The following CELA3A variants were observed in gnomAD, a reference collection of about 807,000 sequenced individuals.
CELA3A encodes chymotrypsin like elastase 3A.
A neutral mutation model predicts 38.6 loss-of-function variants in CELA3A; 35 were observed. The observed-to-expected ratio is 0.91, with a 90% CI of 0.69 to 1.20. CELA3A has a LOEUF of 1.20. Ranked by LOEUF, CELA3A falls within the 50% of genes most tolerant of loss-of-function variation. CELA3A has a pLI of 0.00. For missense variants in CELA3A, 343 were observed against 354.2 expected (o/e 0.97, Z 0.25); for synonymous variants, 143 against 136.7 (o/e 1.05, Z -0.32).
intron 6 of CELA3A, among the ~76,000 whole-genome samples, 184 bp from the exon 7 acceptor site, chr1:22,009,521 C>T (rs1644970651): frequency 6.6e-6 from 1 of 151,328 alleles, no homozygotes; most frequent in African/African-American, 2.4e-5. Flanking sequence ...CACTGCACTC[C>T]AGCCTGGACA....
At chr1:22,001,966 A>C (rs1349279192) in intron 1 of CELA3A, among the ~76,000 whole-genome samples, 1 of 150,966 alleles carries the variant, frequency 6.6e-6, no homozygotes, top group Non-Finnish European at 1.5e-5. Context: ...GCAGTAAACA[A>C]AGTCAAACGG....
At chr1:22,008,195 G>C (rs57865719) in intron 6 of CELA3A, among the ~76,000 whole-genome samples, 13,107 of 126,416 alleles carry the variant, frequency 0.1, 2,012 homozygotes, top group African/African-American at 0.32. Context: ...CTGTTGCCCA[G>C]GCTGGAGTGC....
At chr1:22,010,179 G>T in intron 7 of CELA3A, 1 of 394,560 alleles carries the variant, frequency 2.5e-6, no homozygotes, top group Non-Finnish European at 5.1e-6. Context: ...TGCCTGGTGG[G>T]GGACAGGTGA....
chr1:22,002,785 C>A (rs1644926133), intron 1 of CELA3A, among the ~76,000 whole-genome samples: 1 of 151,404 alleles, frequency 6.6e-6, no homozygotes, highest in Non-Finnish European at 1.5e-5. Context: ...TGAAGGAGGC[C>A]ACATTTGAAT....
In CELA3A at chr1:22,010,319, A is replaced by AC. The variant is rs141028477; in HGVS notation, c.795+462_795+463insC. 9.1e-3 allele frequency: 3,351 copies of AC among 367,436 alleles called. 79 individuals are homozygous for AC. Among genetic ancestry groups the AC allele is most frequent in the Non-Finnish European group, 0.012 (2,094 of 178,724 alleles). The allele number at this position is 367,436 out of a possible 1,614,324, so 22.8% of individuals were successfully genotyped here. A position where few individuals can be genotyped will look rare whatever the true frequency, so the allele number is the denominator to read the frequency against. On this transcript the variant is annotated intron_variant, in intron 7 of 7. Coordinates refer to ENST00000290122, the MANE Select transcript of CELA3A (RefSeq NM_005747.5). The stretch of plus-strand genomic sequence containing the variant: ...TGGTAACAGTAATAGCTAAACAACA[A>AC]AAAAAAAGAGAGTAATAGCTGGGCA...
At chr1:22,011,950 G>A (rs1644985895) in intron 7 of CELA3A, among the ~76,000 whole-genome samples, 1 of 126,846 alleles carries the variant, frequency 7.9e-6, no homozygotes, top group Non-Finnish European at 1.6e-5. Flanking sequence ...CTACTTGGGA[G>A]GCTGAGGAAG....
In CELA3A at chr1:22,008,485, C is replaced by G. The variant is rs562686819; in HGVS notation, c.642+970C>G. On this transcript the variant is annotated intron_variant, in intron 6 of 7. Transcript: ENST00000290122. ...CTAAGAAAAAAAAACAAAGGCTGGG[C>G]GCGGTGGCTCACGCCTGTAATCCCA... 2.0e-5 allele frequency among the ~76,000 whole-genome samples: 3 copies of G among 150,920 alleles called. No homozygotes were observed. In the East Asian group the frequency reaches 5.9e-4, roughly 29 times the overall value.
At chr1:22,005,255 G>T (rs1361855442) in intron 2 of CELA3A, among the ~76,000 whole-genome samples, 192 bp from the exon 3 acceptor site, 1 of 151,820 alleles carries the variant, frequency 6.6e-6, no homozygotes, top group African/African-American at 2.4e-5. Flanking sequence ...TGACCCCCAT[G>T]GAAAAGTGAT....
intron 2 of CELA3A, among the ~76,000 whole-genome samples, chr1:22,004,404 C>T (rs1424101754): frequency 1.3e-5 from 2 of 151,166 alleles, no homozygotes; most frequent in Non-Finnish European, 2.9e-5. Flanking sequence ...TCAATAGTCA[C>T]ATGTGGCTAG....
At chr1:22,008,609 G>C (rs60086163) in intron 6 of CELA3A, among the ~76,000 whole-genome samples, 3 of 150,122 alleles carry the variant, frequency 2.0e-5, no homozygotes. Context: ...CACACAAAAA[G>C]TTAGCCGGGT....
intron 2 of CELA3A, among the ~76,000 whole-genome samples, chr1:22,003,718 T>G (rs1450468717): frequency 1.3e-5 from 2 of 150,942 alleles, no homozygotes; most frequent in Admixed American, 6.6e-5. Context: ...ATTACTATTA[T>G]TATTGAGACA....
chr1:22,005,336 C>T (rs57093046), intron 2 of CELA3A, 111 bp from the exon 3 acceptor site: 2 of 1,077,954 alleles, frequency 1.9e-6, no homozygotes, highest in East Asian at 5.1e-5. Flanking sequence ...TCTCGTTTTC[C>T]ATGTGAATGG....
At chr1:22,005,111 A>C (rs552053544) in intron 2 of CELA3A, among the ~76,000 whole-genome samples, 1 of 150,948 alleles carries the variant, frequency 6.6e-6, no homozygotes, top group African/African-American at 2.5e-5. Context: ...AAAAAAAAAA[A>C]AAACTCACAG....
In CELA3A at chr1:22,001,735, C is replaced by G. The variant is rs59115023; in HGVS notation, c.43+18C>G. On this transcript the variant is annotated intron_variant, in intron 1 of 7. Transcript: ENST00000290122. ...GGCCGTTGGTAAGACCCCAACCTGT[C>G]TGTGTGCTCCCTGGGCTGCCCTGGA... The G allele has an allele frequency of 0.063, 101,747 of 1,610,776 alleles. 5,849 individuals carry two copies. The highest frequency in any genetic ancestry group is 0.15 in the East Asian group (6,543 of 44,648).
At chr1:22,008,879 T>C (rs1385096592) in intron 6 of CELA3A, among the ~76,000 whole-genome samples, 1 of 152,016 alleles carries the variant, frequency 6.6e-6, no homozygotes, top group Non-Finnish European at 1.5e-5. Flanking sequence ...CTACTGGATA[T>C]CGTGCTAAGA....
chr1:22,008,028 C>T (rs1644961570), intron 6 of CELA3A, among the ~76,000 whole-genome samples: 1 of 150,936 alleles, frequency 6.6e-6, no homozygotes, highest in East Asian at 2.0e-4. Flanking sequence ...GTGGCACTCG[C>T]CTGTAGTCCC....
intron 4 of CELA3A, 86 bp downstream of exon 4, chr1:22,005,882 C>G: frequency 6.2e-7 from 1 of 1,600,122 alleles, no homozygotes; most frequent in Non-Finnish European, 8.5e-7. Flanking sequence ...GGCTCCAACT[C>G]TGAGTAGGGA....
At position 22,006,024 on chromosome 1, in the gene CELA3A, G is replaced by A. The variant is rs144149881; in HGVS notation, c.362+228G>A. Reference sequence around the variant, plus strand: ...ACCAAACCTGTCTCCCTACAGAGGGGATGGCAGTGTTCAGGGAGGGGCAGG... The same window carrying A: ...ACCAAACCTGTCTCCCTACAGAGGGAATGGCAGTGTTCAGGGAGGGGCAGG... On this transcript the variant is annotated intron_variant, in intron 4 of 7. Transcript: ENST00000290122. 1.1e-3 allele frequency: 723 copies of A among 663,274 alleles called. 23 individuals are homozygous for A. The East Asian group carries it at 0.019, about 17-fold the overall frequency. 41.1% of individuals were successfully genotyped at this position (663,274 alleles called of 1,614,324 possible).
At position 22,008,714 on chromosome 1, in the gene CELA3A, G is replaced by A. The variant is rs1012601716; in HGVS notation, c.643-991G>A. On this transcript the variant is annotated intron_variant, in intron 6 of 7. Coordinates refer to ENST00000290122, the MANE Select transcript of CELA3A (RefSeq NM_005747.5). ...TTGGAGCTTGCCGTGAGCCGAGATC[G>A]CGCCACTGCACTCCAACCTGGGTGA... Among the ~76,000 whole-genome samples the A allele has an allele frequency of 4.0e-5, 6 of 150,056 alleles. No individual in the cohort carries two copies. In the East Asian group the frequency reaches 1.0e-3, roughly 25 times the overall value.
Sources: allele counts gnomAD v4.1 joint callset (sites outside exome capture counted in the v4.1 genomes callset), GRCh38; gene constraint gnomAD v4.1.1; transcripts MANE v1.5; gene names NCBI Gene and HGNC (gene_info 2026-07-23, HGNC 2026-07-21).